Variants in GPM6B observed in about 807,000 individuals in gnomAD.
GPM6B encodes glycoprotein M6B.
GPM6B carries 4 observed loss-of-function variants against 27.2 expected under a neutral mutation model. The observed-to-expected ratio is 0.15, with a 90% CI of 0.07 to 0.34. The LOEUF is 0.34. Ranked by LOEUF, GPM6B falls within the 10% of genes least tolerant of loss-of-function variation. GPM6B has a pLI of 1.00. For synonymous variants in GPM6B, 124 were observed against 103.1 expected, an observed-to-expected ratio of 1.20 and a Z score of -1.23; for missense variants, 183 against 261.9, an observed-to-expected ratio of 0.70 and a Z score of 2.08.
intron 1 of GPM6B, among the ~76,000 whole-genome samples, chrX:13,925,597 C>T (rs932981488): frequency 9.4e-6 from 1 of 106,875 alleles, no homozygotes; most frequent in African/African-American, 3.4e-5. Context: ...GATTACCTTA[C>T]ATTTTACCTT....
chrX:13,813,751 G>A (rs62587474), intron 1 of GPM6B, among the ~76,000 whole-genome samples: 31,023 of 110,904 alleles, frequency 0.28, 3,480 homozygotes, highest in Middle Eastern at 0.39. Flanking sequence ...TGGGTTCCAT[G>A]ATCTATTTCT....
Position 13,779,930 on chromosome X carries a change from C to T in GPM6B, c.585G>A (p.Ala195=). The T allele has an allele frequency of 2.5e-6, 3 of 1,199,706 alleles. No individual in the cohort carries two copies. Among genetic ancestry groups the T allele is most frequent in the South Asian group, 1.8e-5 (1 of 55,399 alleles). Residue 195 remains alanine (A), a synonymous_variant, in exon 5 of 8, where the codon GCG becomes GCA. Coordinates refer to ENST00000316715, the MANE Select transcript of GPM6B (RefSeq NM_001001995.3). ...TGTTGTAGAACATAAACACGGGCAC[C>T]GCTGAGAAACCAAACACACCCAGCC... is the stretch of plus-strand genomic sequence containing the variant. ...VAWLGVFGFS[A]VPVFMFYNIW...
intron 1 of GPM6B, among the ~76,000 whole-genome samples, chrX:13,896,278 G>C (rs1201465451): frequency 1.9e-5 from 2 of 107,149 alleles, no homozygotes; most frequent in African/African-American, 6.8e-5. Context: ...TAAGAATTAA[G>C]AGAAATGAGA....
chrX:13,795,745 T>TTC (rs1555912959), intron 2 of GPM6B, among the ~76,000 whole-genome samples: 1 of 99,311 alleles, frequency 1.0e-5, no homozygotes, highest in Non-Finnish European at 2.0e-5. Flanking sequence ...TTCTTTTCTT[T>TTC]TTTTTTTTTT....
At position 13,785,711 on chromosome X, in the gene GPM6B, G is replaced by A; in HGVS notation, c.279C>T (p.Gly93=). 8.3e-7 allele frequency: 1 copy of A among 1,211,771 alleles called. No individual in the cohort carries two copies. The highest frequency in any genetic ancestry group is 1.1e-6 in the Non-Finnish European group (1 of 895,169). Residue 93 remains glycine (G), a synonymous_variant, in exon 3 of 8, where the codon GGC becomes GGT. Transcript: ENST00000316715. Reference sequence around the variant, plus strand: ...TGCCTGCGAGAGCCACATGCCCACAGCCGCAGAATAAGGCCACCCCGGAGA... The same window carrying A: ...TGCCTGCGAGAGCCACATGCCCACAACCGCAGAATAAGGCCACCCCGGAGA... ...LCFSGVALFC[G]CGHVALAGTV...
At chrX:13,807,820 T>C in intron 1 of GPM6B, 51 bp from the exon 2 acceptor site, 1 of 1,086,520 alleles carries the variant, frequency 9.2e-7, no homozygotes, top group Non-Finnish European at 1.2e-6. Context: ...CAGCAAAGAT[T>C]CTATATCAGC....
chrX:13,843,370 C>G (rs2049603794), intron 1 of GPM6B, among the ~76,000 whole-genome samples: 1 of 112,368 alleles, frequency 8.9e-6, no homozygotes, highest in Admixed American at 9.4e-5. Flanking sequence ...TTGTTTCCAC[C>G]TGTTGGCTAT....
intron 1 of GPM6B, among the ~76,000 whole-genome samples, chrX:13,934,074 G>A (rs16979366): frequency 0.019 from 2,108 of 110,682 alleles, 40 homozygotes; most frequent in African/African-American, 0.065. Context: ...GGGTTTTCTC[G>A]GAGAAGCCAG....
intron 1 of GPM6B, among the ~76,000 whole-genome samples, chrX:13,936,839 T>TAAAGTATTGTG (rs1003882620): frequency 3.6e-5 from 4 of 112,454 alleles, no homozygotes; most frequent in Non-Finnish European, 7.5e-5. Flanking sequence ...ACCCTACCCC[T>TAAAGTATTGTG]AAATCAGTCC....
intron 1 of GPM6B, among the ~76,000 whole-genome samples, chrX:13,862,139 G>A (rs1360476441): frequency 1.8e-5 from 2 of 111,099 alleles, no homozygotes; most frequent in Non-Finnish European, 3.8e-5. Flanking sequence ...AAAATGCCAC[G>A]GTCTATTAAG....
At position 13,837,907 on chromosome X, in the gene GPM6B, G is replaced by A. The variant is rs1221805310; in HGVS notation, c.-197-52099C>T. Among the ~76,000 whole-genome samples, 9 of 110,051 alleles carry A rather than the reference G, an allele frequency of 8.2e-5. No individual in the cohort carries two copies. In the East Asian group the frequency reaches 2.3e-3, roughly 28 times the overall value. ...CCGTGTAATAAACATCCTCTCTCTCGTCATTAAATTGCAATTAAATTCTTT... is the reference window on the plus strand; with the variant it reads ...CCGTGTAATAAACATCCTCTCTCTCATCATTAAATTGCAATTAAATTCTTT... On this transcript the variant is annotated intron_variant, in intron 1 of 6. Transcript: ENST00000398361.
intron 6 of GPM6B, 73 bp from the exon 7 acceptor site, chrX:13,776,376 G>C: frequency 1.2e-6 from 1 of 802,009 alleles, no homozygotes; most frequent in Middle Eastern, 3.4e-4. Flanking sequence ...GTGGGGTGCT[G>C]CTTCATCTGT....
chrX:13,863,371 G>A (rs1043289462), intron 1 of GPM6B, among the ~76,000 whole-genome samples: 12 of 111,646 alleles, frequency 1.1e-4, no homozygotes, highest in Admixed American at 6.7e-4. Flanking sequence ...CAGAGTAACT[G>A]TTTCTGTCTC....
intron 5 of GPM6B, among the ~76,000 whole-genome samples, chrX:13,779,463 G>A (rs2048474732): frequency 1.8e-5 from 2 of 112,204 alleles, no homozygotes; most frequent in African/African-American, 6.5e-5. Context: ...TGAATGGAAA[G>A]TTGGATGTTA....
chrX:13,862,714 A>AG (rs2049866650), intron 1 of GPM6B, among the ~76,000 whole-genome samples: 3 of 111,552 alleles, frequency 2.7e-5, no homozygotes, highest in Non-Finnish European at 5.6e-5. Context: ...TTTTTGATAC[A>AG]GGGTCTCTAC....
intron 1 of GPM6B, among the ~76,000 whole-genome samples, chrX:13,937,139 T>C (rs1921877436): frequency 1.8e-5 from 2 of 111,680 alleles, no homozygotes; most frequent in African/African-American, 6.5e-5. Flanking sequence ...AGTAGGAACC[T>C]GAGTTACAGG....
At chrX:13,828,446 C>T (rs965141752) in intron 1 of GPM6B, among the ~76,000 whole-genome samples, 2 of 111,163 alleles carry the variant, frequency 1.8e-5, no homozygotes, top group African/African-American at 6.6e-5. Context: ...CCAGATGCAG[C>T]CCCCTGGACC....
At chrX:13,786,135 G>T (rs1420789393) in intron 2 of GPM6B, among the ~76,000 whole-genome samples, 1 of 112,449 alleles carries the variant, frequency 8.9e-6, no homozygotes, top group African/African-American at 3.2e-5. Flanking sequence ...GTGGTGGGGG[G>T]AGCCCCGCTC....
At chrX:13,852,024 A>G (rs1011580383) in intron 1 of GPM6B, among the ~76,000 whole-genome samples, 1 of 110,754 alleles carries the variant, frequency 9.0e-6, no homozygotes, top group Admixed American at 9.7e-5. Context: ...ATCCATCCTG[A>G]TATCCTTAGG....
Sources: gnomAD v4.1 joint callset for allele counts (sites outside exome capture counted in the v4.1 genomes callset) on GRCh38, gnomAD v4.1.1 for gene constraint, MANE v1.5 for transcripts, NCBI Gene and HGNC (gene_info 2026-07-23, HGNC 2026-07-21) for gene names.